Variants in BCAS3 observed in about 807,000 individuals in gnomAD.
The protein encoded by BCAS3 is BCAS4/BCAS3 fusion.
BCAS3 carries 53 observed loss-of-function variants against 116.1 expected under a neutral mutation model. The ratio of observed to expected loss-of-function variants is 0.46; its 90% CI spans 0.37 to 0.57. BCAS3 has a LOEUF of 0.57. Among genes scored for constraint, BCAS3 ranks in the 20% least tolerant of loss-of-function variants. The pLI is 0.00. For synonymous variants in BCAS3, 391 were observed against 408.2 expected (o/e 0.96, Z 0.51); for missense variants, 917 against 1,165.4 (o/e 0.79, Z 3.10).
intron 6 of BCAS3, among the ~76,000 whole-genome samples, chr17:60,758,354 G>T (rs1017344163): frequency 1.8e-4 from 28 of 152,112 alleles, no homozygotes; most frequent in African/African-American, 5.8e-4. Flanking sequence ...TTGTTTCATT[G>T]ATACTTTGTA....
At chr17:60,930,381 G>C (rs2059582511) in intron 13 of BCAS3, among the ~76,000 whole-genome samples, 1 of 152,196 alleles carries the variant, frequency 6.6e-6, no homozygotes, top group Admixed American at 6.5e-5. Flanking sequence ...TTTTAAAGCT[G>C]ATCTTACTCA....
chr17:61,388,806 C>T lies in BCAS3; in HGVS notation c.2594-3171C>T. 5 of 1,115,332 alleles carry T rather than the reference C, an allele frequency of 4.5e-6. No individual in the cohort carries two copies. The highest frequency in any genetic ancestry group is 6.4e-6 in the Non-Finnish European group (5 of 782,756). 69.1% of individuals were successfully genotyped at this position (1,115,332 alleles called of 1,614,324 possible). ...TGAGCAGCCCTCCTCCCCTCCACTT[C>T]CCACACACACCCCTGCCTGCAGGGG... On this transcript the variant is annotated intron_variant, in intron 23 of 23. Coordinates refer to ENST00000407086, the MANE Select transcript of BCAS3 (RefSeq NM_017679.5). This position sits in a 1 kb window ranked among gnomAD's most constrained non-coding sequence, Gnocchi z 6.5.
rs2058661028 is a variant in BCAS3, at chr17:61,365,187, C to T, written c.2426-3140C>T. Among the ~76,000 whole-genome samples, 1 of 152,226 alleles carries T rather than the reference C, an allele frequency of 6.6e-6. No homozygotes were observed. Among genetic ancestry groups the T allele is most frequent in the South Asian group, 2.1e-4 (1 of 4,836 alleles). On this transcript the variant is annotated intron_variant, in intron 22 of 23. Coordinates refer to ENST00000407086, the MANE Select transcript of BCAS3 (RefSeq NM_017679.5). The surrounding 1 kb of genome is among the most constrained non-coding windows in gnomAD (Gnocchi z 4.6). The stretch of plus-strand genomic sequence containing the variant: ...AGTCCAGGCCTATTTCCATCCACCA[C>T]TATGACACTAGCTCATGATTCTTTT...
intron 6 of BCAS3, among the ~76,000 whole-genome samples, chr17:60,797,195 C>T (rs1463668612): frequency 6.6e-6 from 1 of 152,000 alleles, no homozygotes; most frequent in Non-Finnish European, 1.5e-5. Flanking sequence ...CGTGCTTGGC[C>T]GTTTTCCTTC....
chr17:61,264,408 CTTTT>C (rs539191667), intron 22 of BCAS3, among the ~76,000 whole-genome samples: 1 of 133,104 alleles, frequency 7.5e-6, no homozygotes, highest in Admixed American at 7.6e-5. Flanking sequence ...ATAGGTAAGT[CTTTT>C]TTTTTTTTTT....
intron 9 of BCAS3, among the ~76,000 whole-genome samples, chr17:60,881,473 G>T (rs2056141814): frequency 6.6e-6 from 1 of 150,988 alleles, no homozygotes; most frequent in Non-Finnish European, 1.5e-5. Context: ...AAGTTTTAGG[G>T]TACATGTGCA....
chr17:61,073,958 A>G lies in BCAS3; in HGVS notation c.2030-962A>G, dbSNP rs558784159. 6.6e-6 allele frequency among the ~76,000 whole-genome samples: 1 copy of G among 152,126 alleles called. No homozygotes were observed. Among genetic ancestry groups the G allele is most frequent in the East Asian group, 1.9e-4 (1 of 5,174 alleles). ...ATCCTGTCTCTACAAGGAAGAAAAT[A>G]TTGGGCAGGCATTGGTAGCTCATGC... is the stretch of plus-strand genomic sequence containing the variant. On this transcript the variant is annotated intron_variant, in intron 19 of 23. Transcript: ENST00000407086. The surrounding 1 kb of genome is among the most constrained non-coding windows in gnomAD (Gnocchi z 4.6).
rs906115577 is a variant in BCAS3 at position 61,188,374 on chromosome 17, A to G, written c.2425+103810A>G. Among the ~76,000 whole-genome samples the G allele has an allele frequency of 6.6e-6, 1 of 152,210 alleles. No individual in the cohort carries two copies. Among genetic ancestry groups the G allele is most frequent in the Non-Finnish European group, 1.5e-5 (1 of 68,034 alleles). On this transcript the variant is annotated intron_variant, in intron 22 of 23. Coordinates refer to ENST00000407086, the MANE Select transcript of BCAS3 (RefSeq NM_017679.5). The surrounding 1 kb of genome is among the most constrained non-coding windows in gnomAD (Gnocchi z 4.0). Reference sequence around the variant, plus strand: ...ATGTAAAGAGAGTGCTTGTATAATAAGAAGTGTGTTCTCCATGGAATTTTT... The same window carrying G: ...ATGTAAAGAGAGTGCTTGTATAATAGGAAGTGTGTTCTCCATGGAATTTTT...
chr17:60,958,790 TA>T (rs2061270251), intron 14 of BCAS3, among the ~76,000 whole-genome samples: 4 of 152,190 alleles, frequency 2.6e-5, no homozygotes, highest in Admixed American at 2.0e-4. Flanking sequence ...TATCAAGACT[TA>T]CTAAAACTAC....
chr17:61,147,200 G>A (rs1375994789), intron 22 of BCAS3, among the ~76,000 whole-genome samples: 1 of 152,046 alleles, frequency 6.6e-6, no homozygotes, highest in Non-Finnish European at 1.5e-5. Context: ...TTAGCCTCCT[G>A]AGGACCTGGG....
chr17:61,178,683 T>C (rs1337159615), intron 22 of BCAS3, among the ~76,000 whole-genome samples: 1 of 152,222 alleles, frequency 6.6e-6, no homozygotes, highest in African/African-American at 2.4e-5. Flanking sequence ...TTCAGCTGGG[T>C]AATTGACATA....
At chr17:61,160,876 G>A (rs1376319602) in intron 22 of BCAS3, among the ~76,000 whole-genome samples, 1 of 152,148 alleles carries the variant, frequency 6.6e-6, no homozygotes, top group Non-Finnish European at 1.5e-5. Context: ...GGGAGAGGCA[G>A]CTGGCTGGCA....
In BCAS3 at chr17:60,990,164, C is replaced by T. The variant is rs759672810; in HGVS notation, c.1415C>T (p.Thr472Met). ...CTGGAAGAGATTGAACAAGAACTGA[C>T]GTCTAAGCAAGGAGGTCGCTGTAGC... ...AGLEEIEQEL[T>M]SKQGGRCSPV... Residue 472 changes from threonine to methionine, a missense_variant, in exon 15 of 24, where the codon ACG becomes ATG. Thr to Met is a moderately conservative substitution (Grantham distance 81). Transcript: ENST00000407086. The surrounding 1 kb of genome is among the most constrained non-coding windows in gnomAD (Gnocchi z 5.1). 1.7e-5 allele frequency: 28 copies of T among 1,614,054 alleles called. No individual in the cohort carries two copies. The highest frequency in any genetic ancestry group is 2.3e-5 in the Non-Finnish European group (27 of 1,180,030).
Position 61,348,023 on chromosome 17 carries a change from T to TGGCA in BCAS3, c.2426-20303_2426-20300dup, listed in dbSNP as rs1320484444. 6.6e-6 allele frequency among the ~76,000 whole-genome samples: 1 copy of TGGCA among 152,128 alleles called. No homozygotes were observed. Among genetic ancestry groups the TGGCA allele is most frequent in the Admixed American group, 6.5e-5 (1 of 15,268 alleles). ...CACATTGTAGAAAAGGTCACCCAGG[T>TGGCA]GGCACTAGGAAGAATGAATTGAAGG... On this transcript the variant is annotated intron_variant, in intron 22 of 23. Coordinates refer to ENST00000407086, the MANE Select transcript of BCAS3 (RefSeq NM_017679.5). This position sits in a 1 kb window ranked among gnomAD's most constrained non-coding sequence, Gnocchi z 4.5.
intron 22 of BCAS3, among the ~76,000 whole-genome samples, chr17:61,304,550 T>A (rs981071393): frequency 3.3e-5 from 5 of 152,206 alleles, no homozygotes; most frequent in African/African-American, 9.7e-5. Context: ...TCACCTCATC[T>A]GGGAAGCCTC....
intron 4 of BCAS3, among the ~76,000 whole-genome samples, chr17:60,704,579 G>A (rs1285023817): frequency 1.3e-5 from 2 of 152,032 alleles, no homozygotes; most frequent in Non-Finnish European, 2.9e-5. Context: ...AGTGCTTCAC[G>A]CCTGTAATCC....
intron 22 of BCAS3, chr17:61,086,647 T>C: frequency 1.0e-6 from 1 of 982,314 alleles, no homozygotes; most frequent in Middle Eastern, 5.2e-4. Flanking sequence ...GTACCCATCT[T>C]TTGAGTAGGA....
intron 5 of BCAS3, among the ~76,000 whole-genome samples, chr17:60,725,619 T>C (rs1184489167): frequency 3.3e-5 from 5 of 152,288 alleles, no homozygotes; most frequent in South Asian, 2.1e-4. Flanking sequence ...ATTGTCATGA[T>C]TGGGGATTGC....
intron 22 of BCAS3, among the ~76,000 whole-genome samples, chr17:61,110,448 G>A (rs914893495): frequency 6.6e-6 from 1 of 152,224 alleles, no homozygotes; most frequent in South Asian, 2.1e-4. Flanking sequence ...AAGGGGTCAG[G>A]GAGTTCCCTT....
Sources: gnomAD v4.1 joint callset for allele counts (sites outside exome capture counted in the v4.1 genomes callset) on GRCh38, gnomAD v4.1.1 for gene constraint, Gnocchi (gnomAD v3.1) non-coding constraint, MANE v1.5 for transcripts, NCBI Gene and HGNC (gene_info 2026-07-23, HGNC 2026-07-21) for gene names.